COL5A1: variants seen among roughly 807,000 people sequenced by gnomAD.
The protein encoded by COL5A1 is collagen type V alpha 1 chain, also known as collagen alpha-1(V) chain.
COL5A1 carries 16 observed loss-of-function variants against 263.7 expected under a neutral mutation model. That is an observed-to-expected ratio of 0.06 (90% confidence interval 0.04 to 0.09). COL5A1 has a LOEUF of 0.09. Among genes scored for constraint, COL5A1 ranks in the 10% least tolerant of loss-of-function variants. The pLI is 1.00. For missense variants in COL5A1, 2,036 were observed against 2,540.5 expected (o/e 0.80, Z 4.27); for synonymous variants, 1,012 against 1,004.5 (o/e 1.01, Z -0.14).
At chr9:134,721,658 G>T (rs1240038341) in intron 4 of COL5A1, among the ~76,000 whole-genome samples, 9 of 152,208 alleles carry the variant, frequency 5.9e-5, no homozygotes, top group Non-Finnish European at 1.5e-5. Context: ...CCTTGTGGGG[G>T]TGCAGACATC....
At chr9:134,763,810 G>A in intron 20 of COL5A1, 73 bp downstream of exon 20, 1 of 1,448,932 alleles carries the variant, frequency 6.9e-7, no homozygotes, top group East Asian at 2.3e-5. Context: ...TCCTGCTGGA[G>A]CAGGATCTGG....
rs145835901 is a variant in COL5A1 at position 134,669,859 on chromosome 9, G to A, written c.110-21053G>A. Reference sequence around the variant, plus strand: ...CTCCATGGTGGGAACTGAGAACTGGGAATTTAAAGTCCACATGTTCCTGGA... The same window carrying A: ...CTCCATGGTGGGAACTGAGAACTGGAAATTTAAAGTCCACATGTTCCTGGA... On this transcript the variant is annotated intron_variant, in intron 1 of 65. Coordinates refer to ENST00000371817, the MANE Select transcript of COL5A1 (RefSeq NM_000093.5). 3.1e-3 allele frequency among the ~76,000 whole-genome samples: 478 copies of A among 152,278 alleles called. 2 individuals carry two copies. The highest frequency in any genetic ancestry group is 0.011 in the African/African-American group (455 of 41,554).
chr9:134,697,837 A>G (rs1474131930), intron 2 of COL5A1, among the ~76,000 whole-genome samples: 1 of 152,182 alleles, frequency 6.6e-6, no homozygotes, highest in East Asian at 1.9e-4. Context: ...TAATCGCAGC[A>G]GTTTGGGAGG....
rs1312321454 is a variant in COL5A1, at chr9:134,812,642, G to A, written c.3782G>A (p.Gly1261Glu). ...CCCCCTGGCCCCCGAGGACCCTCCG[G>A]AGCTCCAGGTGCTGATGGCCCACAA... ...PGPPGPRGPS[G>E]APGADGPQGP... Residue 1261 changes from glycine to glutamate, a missense_variant, in exon 48 of 66, where the codon GGA becomes GAA. By Grantham distance (98) the Gly-to-Glu change is moderately conservative. Coordinates refer to ENST00000371817, the MANE Select transcript of COL5A1 (RefSeq NM_000093.5). 1 of 1,599,962 alleles carries A rather than the reference G, an allele frequency of 6.3e-7. No individual in the cohort carries two copies. Among genetic ancestry groups the A allele is most frequent in the Non-Finnish European group, 8.5e-7 (1 of 1,173,512 alleles).
At chr9:134,767,076 G>C (rs1049509430) in intron 23 of COL5A1, 23 bp downstream of exon 23, 1 of 1,611,464 alleles carries the variant, frequency 6.2e-7, no homozygotes, top group African/African-American at 1.3e-5. Flanking sequence ...GAGAGAGGCA[G>C]CTCGCAGGGA....
intron 19 of COL5A1, among the ~76,000 whole-genome samples, chr9:134,763,097 C>T (rs1564443377): frequency 1.3e-5 from 2 of 152,048 alleles, no homozygotes; most frequent in Non-Finnish European, 2.9e-5. Flanking sequence ...TCTGTGTGTC[C>T]ATGTGTGTGT....
intron 44 of COL5A1, chr9:134,810,555 A>C: frequency 1.9e-6 from 1 of 539,036 alleles, no homozygotes; most frequent in East Asian, 3.0e-5. Flanking sequence ...AATTAAATAA[A>C]TGGAGTGTTT....
intron 44 of COL5A1, among the ~76,000 whole-genome samples, chr9:134,811,101 A>G (rs961532583): frequency 6.6e-6 from 1 of 152,084 alleles, no homozygotes; most frequent in Non-Finnish European, 1.5e-5. Flanking sequence ...GGTGGTCTCG[A>G]GAGACATTGG....
chr9:134,688,586 C>T (rs953806469), intron 1 of COL5A1, among the ~76,000 whole-genome samples: 2 of 152,182 alleles, frequency 1.3e-5, no homozygotes, highest in African/African-American at 4.8e-5. Context: ...GGTGACAGAG[C>T]TGGGTGGGCT....
In COL5A1 at chr9:134,821,989, G is replaced by T; in HGVS notation, c.4555-108G>T. 3 of 958,630 alleles carry T rather than the reference G, an allele frequency of 3.1e-6. No individual in the cohort carries two copies. The highest frequency in any genetic ancestry group is 5.1e-6 in the Non-Finnish European group (3 of 586,282). The allele number at this position is 958,630 out of a possible 1,614,324, so 59.4% of individuals were successfully genotyped here. ...CTGCTGAGGGGCCAAAGGGCATACCGTGGGGAAGGGACAGGGGAGCCGAGG... is the reference window on the plus strand; with the variant it reads ...CTGCTGAGGGGCCAAAGGGCATACCTTGGGGAAGGGACAGGGGAGCCGAGG... On this transcript the variant is annotated intron_variant, in intron 58 of 65. Transcript: ENST00000371817. This position sits in a 1 kb window ranked among gnomAD's most constrained non-coding sequence, Gnocchi z 4.2.
rs1168610204 is a variant in COL5A1 at position 134,652,614 on chromosome 9, G to A, written c.109+10318G>A. On this transcript the variant is annotated intron_variant, in intron 1 of 65. Transcript: ENST00000371817. The surrounding 1 kb of genome is among the most constrained non-coding windows in gnomAD (Gnocchi z 4.4). ...AGGATGCTGCTCTGCACCCCACAGT[G>A]CACGGGACAGCCCCCACCAAAAAGA... 4 of 459,856 alleles carry A rather than the reference G, an allele frequency of 8.7e-6. No individual in the cohort carries two copies. Among genetic ancestry groups the A allele is most frequent in the Non-Finnish European group, 1.8e-5 (4 of 219,794 alleles). The allele number at this position is 459,856 out of a possible 1,614,324, so 28.5% of individuals were successfully genotyped here.
At chr9:134,666,164 T>C (rs532670071) in intron 1 of COL5A1, among the ~76,000 whole-genome samples, 1 of 152,330 alleles carries the variant, frequency 6.6e-6, no homozygotes, top group African/African-American at 2.4e-5. Flanking sequence ...GGATTGACTA[T>C]ATATGATCAC....
chr9:134,690,890 T>A, intron 1 of COL5A1, 22 bp from the exon 2 acceptor site: 1 of 1,613,320 alleles, frequency 6.2e-7, no homozygotes, highest in Non-Finnish European at 8.5e-7. Context: ...TGGCTAACTC[T>A]GCTCCTCCTC....
chr9:134,784,025 G>A (rs1418666665), intron 29 of COL5A1, among the ~76,000 whole-genome samples: 1 of 152,196 alleles, frequency 6.6e-6, no homozygotes, highest in African/African-American at 2.4e-5. Flanking sequence ...GCCATGGGAC[G>A]AGGGTGGGAT....
At chr9:134,734,870 G>A (rs1835041703) in intron 9 of COL5A1, among the ~76,000 whole-genome samples, 1 of 152,202 alleles carries the variant, frequency 6.6e-6, no homozygotes, top group South Asian at 2.1e-4. Context: ...CATTGAGATT[G>A]TCTTGAGTTC....
At chr9:134,699,761 A>G (rs1833603085) in intron 2 of COL5A1, 148 bp from the exon 3 acceptor site, 1 of 782,950 alleles carries the variant, frequency 1.3e-6, no homozygotes, top group Non-Finnish European at 2.2e-6. Flanking sequence ...CAGTTTGATC[A>G]AGGGGCAGAT....
intron 1 of COL5A1, among the ~76,000 whole-genome samples, chr9:134,657,896 G>T (rs1010557488): frequency 1.6e-4 from 24 of 152,050 alleles, no homozygotes; most frequent in Admixed American, 1.2e-3. Flanking sequence ...AGACTTAGAA[G>T]GTGTGGGTTC....
chr9:134,690,865 C>T, intron 1 of COL5A1, 47 bp from the exon 2 acceptor site: 7 of 1,611,008 alleles, frequency 4.3e-6, no homozygotes, highest in Non-Finnish European at 5.9e-6. Context: ...TTCCCAGGTG[C>T]TCCTTTCCTC....
At chr9:134,814,481 C>T (rs375486839) in intron 49 of COL5A1, among the ~76,000 whole-genome samples, 3 of 152,184 alleles carry the variant, frequency 2.0e-5, no homozygotes, top group South Asian at 2.1e-4. Flanking sequence ...CCATGAGATC[C>T]GTGGAGTCTG....
Sources: allele counts gnomAD v4.1 joint callset (sites outside exome capture counted in the v4.1 genomes callset), GRCh38; gene constraint gnomAD v4.1.1; non-coding constraint Gnocchi (gnomAD v3.1); transcripts MANE v1.5; gene names NCBI Gene and HGNC (gene_info 2026-07-23, HGNC 2026-07-21).